Variants in SGCD observed in about 807,000 individuals in gnomAD.
The protein encoded by SGCD is sarcoglycan delta.
Under a neutral mutation model 36.6 loss-of-function variants are expected in SGCD, and 18 were observed. That is an observed-to-expected ratio of 0.49 (90% CI 0.34 to 0.73). The LOEUF (loss-of-function observed/expected upper bound fraction) is 0.73. SGCD is among the 30% of genes least tolerant of loss of function. SGCD has a pLI of 0.01. For synonymous variants in SGCD, 133 were observed against 130.6 expected (o/e 1.02, Z -0.12); for missense variants, 387 against 346.7 (o/e 1.12, Z -0.92).
At chr5:156,601,777 G>A (rs899479481) in intron 6 of SGCD, among the ~76,000 whole-genome samples, 2 of 152,114 alleles carry the variant, frequency 1.3e-5, no homozygotes, top group Non-Finnish European at 2.9e-5. Flanking sequence ...TCCACCTCCC[G>A]GGTTCCGGAC....
intron 3 of SGCD, among the ~76,000 whole-genome samples, chr5:156,192,508 G>A (rs910334766): frequency 6.6e-6 from 1 of 152,072 alleles, no homozygotes; most frequent in Non-Finnish European, 1.5e-5. Context: ...AGAGAGGTAA[G>A]TTAATGGATG....
At chr5:156,588,431 G>C (rs1162354930) in intron 4 of SGCD, among the ~76,000 whole-genome samples, 1 of 152,162 alleles carries the variant, frequency 6.6e-6, no homozygotes, top group Non-Finnish European at 1.5e-5. Flanking sequence ...CCTAAGGCAA[G>C]TTTTACACCA....
chr5:156,014,346 C>T (rs1445098487), intron 1 of SGCD, among the ~76,000 whole-genome samples: 1 of 151,938 alleles, frequency 6.6e-6, no homozygotes, highest in Non-Finnish European at 1.5e-5. Flanking sequence ...GAAAATTTAC[C>T]AGAATAGCAC....
At chr5:156,608,484 C>G (rs936082262) in intron 6 of SGCD, among the ~76,000 whole-genome samples, 2 of 152,120 alleles carry the variant, frequency 1.3e-5, no homozygotes, top group South Asian at 2.1e-4. Context: ...AATTTTGGAA[C>G]AGGTGTGGTG....
chr5:156,578,882 T>C, intron 4 of SGCD, among the ~76,000 whole-genome samples: 1 of 152,102 alleles, frequency 6.6e-6, no homozygotes, highest in Non-Finnish European at 1.5e-5. Context: ...GATTCATTGA[T>C]TCTTTTGAAG....
chr5:155,878,899 T>G (rs1443700305), intron 1 of SGCD, among the ~76,000 whole-genome samples: 1 of 152,190 alleles, frequency 6.6e-6, no homozygotes, highest in Non-Finnish European at 1.5e-5. Context: ...TTGTTAATCT[T>G]TGCTACTTCT....
chr5:156,622,172 C>G (rs1218001990), intron 6 of SGCD, among the ~76,000 whole-genome samples: 1 of 152,140 alleles, frequency 6.6e-6, no homozygotes, highest in African/African-American at 2.4e-5. Flanking sequence ...GTGGCTCACA[C>G]CTGTAATCCC....
At chr5:155,796,806 C>CAAAAAAAAAAAAA in the SGCD span, among the ~76,000 whole-genome samples, 71 of 51,314 alleles carry the variant, frequency 1.4e-3, 2 homozygotes, top group Non-Finnish European at 1.7e-3. Context: ...AACTCCATCT[C>CAAAAAAAAAAAAA]AAAAAAAAAA....
the SGCD span, among the ~76,000 whole-genome samples, chr5:155,761,742 T>A: frequency 7.4e-6 from 1 of 135,958 alleles, no homozygotes; most frequent in African/African-American, 2.8e-5. Flanking sequence ...GCCCTTTCCA[T>A]CACCTTCATC....
chr5:156,695,484 G>T (rs1216898204), intron 7 of SGCD, among the ~76,000 whole-genome samples: 3 of 127,468 alleles, frequency 2.4e-5, no homozygotes, highest in Admixed American at 1.5e-4. Flanking sequence ...AACCTCTCTC[G>T]ATAGATAGAT....
chr5:155,938,479 G>T (rs910783535), intron 1 of SGCD, among the ~76,000 whole-genome samples: 1 of 152,196 alleles, frequency 6.6e-6, no homozygotes, highest in Non-Finnish European at 1.5e-5. Context: ...TGTTACTGGC[G>T]TTTCATTAAT....
chr5:156,389,431 T>C (rs1257728406), intron 3 of SGCD, among the ~76,000 whole-genome samples: 1 of 152,158 alleles, frequency 6.6e-6, no homozygotes, highest in East Asian at 1.9e-4. Flanking sequence ...ACTGGGACTA[T>C]CTCCAGAAGG....
chr5:156,295,947 G>A (rs763902266), intron 3 of SGCD, among the ~76,000 whole-genome samples: 3 of 152,124 alleles, frequency 2.0e-5, no homozygotes, highest in Non-Finnish European at 4.4e-5. Flanking sequence ...AGCATGCCTC[G>A]CAGGGCCAGT....
chr5:156,095,759 A>G (rs762707126), intron 1 of SGCD, among the ~76,000 whole-genome samples: 1 of 152,216 alleles, frequency 6.6e-6, no homozygotes, highest in South Asian at 2.1e-4. Context: ...TTGTCACTCA[A>G]GTGGCTGGGT....
At chr5:156,471,301 T>C (rs1427976284) in intron 3 of SGCD, among the ~76,000 whole-genome samples, 1 of 152,168 alleles carries the variant, frequency 6.6e-6, no homozygotes, top group Non-Finnish European at 1.5e-5. Flanking sequence ...TGACACACTA[T>C]TTCTGAAATT....
intron 3 of SGCD, among the ~76,000 whole-genome samples, chr5:156,189,792 G>T (rs184832773): frequency 6.6e-6 from 1 of 152,120 alleles, no homozygotes; most frequent in Non-Finnish European, 1.5e-5. Flanking sequence ...AGAACAGGGC[G>T]TATTAAAGCG....
At chr5:156,421,954 G>A (rs573354187) in intron 3 of SGCD, among the ~76,000 whole-genome samples, 20 of 152,148 alleles carry the variant, frequency 1.3e-4, no homozygotes, top group East Asian at 1.9e-4. Context: ...TGCTGGGCCC[G>A]CAAGTCCATG....
chr5:156,678,838 G>T (rs1753614022), intron 7 of SGCD, among the ~76,000 whole-genome samples: 1 of 152,104 alleles, frequency 6.6e-6, no homozygotes, highest in African/African-American at 2.4e-5. Flanking sequence ...TTTTAATTAG[G>T]GTGGGAGACA....
Position 156,029,662 on chromosome 5 carries a change from G to C in SGCD, c.-281-88216G>C, listed in dbSNP as rs797021451. On this transcript the variant is annotated intron_variant, in intron 1 of 9. Coordinates refer to the SGCD transcript ENST00000517913. ...GTAATAAACTAGCAGGAAAAATAGA[G>C]AAGAGACCAAACAATGATCACTGAA... Among the ~76,000 whole-genome samples the C allele has an allele frequency of 1.7e-4, 26 of 152,250 alleles. 2 individuals carry two copies. Among genetic ancestry groups the C allele is most frequent in the African/African-American group, 6.0e-4 (25 of 41,560 alleles).
Sources: allele counts gnomAD v4.1 joint callset (sites outside exome capture counted in the v4.1 genomes callset), GRCh38; gene constraint gnomAD v4.1.1; transcripts MANE v1.5; gene names NCBI Gene and HGNC (gene_info 2026-07-23, HGNC 2026-07-21).